Variants in ASCC3 observed in about 807,000 individuals in gnomAD.
ASCC3 encodes ASC-1 complex subunit P200.
Under a neutral mutation model 256.3 loss-of-function variants are expected in ASCC3, and 158 were observed. The observed-to-expected ratio is 0.62, with a 90% CI of 0.54 to 0.70. The LOEUF is 0.70. Among genes scored for constraint, ASCC3 ranks in the 30% least tolerant of loss-of-function variants. The pLI is 0.00. For missense variants in ASCC3, 2,259 were observed against 2,626.0 expected, an observed-to-expected ratio of 0.86 and a Z score of 3.05; for synonymous variants, 948 against 883.4, an observed-to-expected ratio of 1.07 and a Z score of -1.30.
At chr6:100,528,511 T>G (rs1562095593) in intron 37 of ASCC3, among the ~76,000 whole-genome samples, 1 of 152,190 alleles carries the variant, frequency 6.6e-6, no homozygotes, top group East Asian at 1.9e-4. Context: ...AATTGGAGTC[T>G]ACATAGTATC....
At chr6:100,759,457 G>A (rs1027884274) in intron 10 of ASCC3, among the ~76,000 whole-genome samples, 1 of 152,076 alleles carries the variant, frequency 6.6e-6, no homozygotes, top group African/African-American at 2.4e-5. Flanking sequence ...TTCTGCATAT[G>A]GCTAGCCAGT....
intron 2 of ASCC3, 73 bp from the exon 3 acceptor site, chr6:100,864,287 T>C: frequency 5.2e-6 from 7 of 1,337,660 alleles, no homozygotes; most frequent in Non-Finnish European, 7.3e-6. Flanking sequence ...TTACATATAT[T>C]TTGCATTACA....
intron 10 of ASCC3, among the ~76,000 whole-genome samples, chr6:100,758,434 T>G (rs527343512): frequency 1.3e-5 from 2 of 152,164 alleles, no homozygotes; most frequent in Admixed American, 1.3e-4. Context: ...GTGTTCTCCC[T>G]GTGTCCATGT....
intron 10 of ASCC3, among the ~76,000 whole-genome samples, chr6:100,743,364 T>A (rs1013509401): frequency 2.6e-5 from 4 of 152,220 alleles, no homozygotes; most frequent in Non-Finnish European, 5.9e-5. Context: ...AGACTGCAGC[T>A]GCTTCTAATT....
At position 100,867,943 on chromosome 6, in the gene ASCC3, G is replaced by A; in HGVS notation, c.55C>T (p.Gln19Ter). 6.2e-7 allele frequency: 1 copy of A among 1,613,594 alleles called. No homozygotes were observed. The change falls in exon 2 of 42, where the codon CAA (glutamine) becomes TAA (stop). Residue 19 changes from glutamine to a stop codon, truncating the protein, a stop_gained. Coordinates refer to ENST00000369162, the MANE Select transcript of ASCC3 (RefSeq NM_006828.4). LOFTEE classifies it high-confidence loss of function. ...GCCACTTCTTCATTATAATTATCTT[G>A]CTTGGTGACATTTGAAAAGGAACGC... ...ALRSFSNVTK[Q>*]DNYNEEVADL...
At position 100,755,041 on chromosome 6, in the gene ASCC3, T is replaced by C. The variant is rs549182341; in HGVS notation, c.1737+11524A>G. 1.2e-4 allele frequency among the ~76,000 whole-genome samples: 19 copies of C among 152,196 alleles called. No homozygotes were observed. The South Asian group carries it at 3.3e-3, about 27-fold the overall frequency. On this transcript the variant is annotated intron_variant, in intron 10 of 41. Transcript: ENST00000369162. The stretch of plus-strand genomic sequence containing the variant: ...TAAATTACCCAGTCTCGGGTATTTC[T>C]TCATAGCAGTATGAAAATGGACTAA...
At position 100,652,852 on chromosome 6, in the gene ASCC3, A is replaced by G. The variant is rs773942601; in HGVS notation, c.2861T>C (p.Val954Ala). The change falls in exon 18 of 42, where the codon GTC becomes GCC. Residue 954 changes from valine (V) to alanine (A), a missense_variant. Physicochemically the swap from Val to Ala is moderately conservative, Grantham distance 64 (BLOSUM62 0). Around this residue, in one of 2 missense-constraint regions of ASCC3, gnomAD observed 1,839 missense variants for 2,206.7 expected, o/e 0.83. Transcript: ENST00000369162. ...GTCTAGTTTTCGTCCAACTTCAATG[A>G]CCAACTGTTCTCGATGCTTTCTTAA... The part of the protein sequence containing the change: ...PTLRKHREQL[V>A]IEVGRKLDKA... 6.2e-7 allele frequency: 1 copy of G among 1,613,950 alleles called. No homozygotes were observed. Among genetic ancestry groups the G allele is most frequent in the East Asian group, 2.2e-5 (1 of 44,816 alleles).
At chr6:100,536,831 G>A (rs796144650) in intron 37 of ASCC3, among the ~76,000 whole-genome samples, 10 of 152,218 alleles carry the variant, frequency 6.6e-5, no homozygotes, top group African/African-American at 2.4e-4. Context: ...CAAAATGGCC[G>A]ATTCCAAAGC....
rs754704017 is a variant in ASCC3, at chr6:100,606,880, A to G, written c.4924-20T>C. The G allele has an allele frequency of 2.3e-5, 37 of 1,607,658 alleles. No individual in the cohort carries two copies. The East Asian group carries it at 6.5e-4, about 28-fold the overall frequency. On this transcript the variant is annotated intron_variant, in intron 31 of 41. Transcript: ENST00000369162. ...AAGAACCTAAAAAGCAAAATAAAAT[A>G]TCTTATATCTAAGTAAAATATAACT...
At chr6:100,530,418 C>T in intron 37 of ASCC3, 1 of 950,592 alleles carries the variant, frequency 1.1e-6, no homozygotes, top group African/African-American at 1.6e-5. Context: ...TTTCCAAAAT[C>T]CTGAACTTTA....
chr6:100,672,795 CT>C (rs1776815248), intron 14 of ASCC3, among the ~76,000 whole-genome samples: 2 of 152,142 alleles, frequency 1.3e-5, no homozygotes, highest in African/African-American at 4.8e-5. Flanking sequence ...AGAATGGTTT[CT>C]GTTCCTTTTA....
intron 3 of ASCC3, among the ~76,000 whole-genome samples, chr6:100,860,943 G>C (rs1251513922): frequency 6.6e-6 from 1 of 152,100 alleles, no homozygotes; most frequent in Non-Finnish European, 1.5e-5. Context: ...TAAAAGGTAA[G>C]CTGGGAATAA....
Position 100,642,564 on chromosome 6 carries a change from A to C in ASCC3, c.3901+17T>G. 1 of 1,612,988 alleles carries C rather than the reference A, an allele frequency of 6.2e-7. No individual in the cohort carries two copies. The highest frequency in any genetic ancestry group is 8.5e-7 in the Non-Finnish European group (1 of 1,178,998). ...TTTGGAAAAATCAATGATTCAAATC[A>C]GCATTCACCATGTTACCTGTATGAG... On this transcript the variant is annotated intron_variant, in intron 24 of 41. Coordinates refer to ENST00000369162, the MANE Select transcript of ASCC3 (RefSeq NM_006828.4).
chr6:100,674,846 G>C (rs1394308526), intron 14 of ASCC3, among the ~76,000 whole-genome samples: 1 of 151,822 alleles, frequency 6.6e-6, no homozygotes, highest in Non-Finnish European at 1.5e-5. Flanking sequence ...TTGCCAGGCT[G>C]ATCTCAAACT....
chr6:100,859,437 A>G lies in ASCC3; in HGVS notation c.241+4627T>C, dbSNP rs3734352. On this transcript the variant is annotated intron_variant, in intron 3 of 41. Coordinates refer to ENST00000369162, the MANE Select transcript of ASCC3 (RefSeq NM_006828.4). Reference sequence around the variant, plus strand: ...TCTTTTGCAATCTGCAATTTTCAAAATAACTGTCACAAATACTGCTATATC... The same window carrying G: ...TCTTTTGCAATCTGCAATTTTCAAAGTAACTGTCACAAATACTGCTATATC... Among the ~76,000 whole-genome samples, 16 of 152,192 alleles carry G rather than the reference A, an allele frequency of 1.1e-4. No individual in the cohort carries two copies. In the East Asian group the frequency reaches 3.1e-3, roughly 29 times the overall value.
rs77182320 is a variant in ASCC3 at position 100,662,544 on chromosome 6, C to G, written c.2287-8G>C. 7 of 1,612,012 alleles carry G rather than the reference C, an allele frequency of 4.3e-6. No individual in the cohort carries two copies. The South Asian group carries it at 7.7e-5, about 18-fold the overall frequency. On this transcript the variant is annotated splice_region_variant and splice_polypyrimidine_tract_variant and intron_variant, in intron 14 of 41. Coordinates refer to ENST00000369162, the MANE Select transcript of ASCC3 (RefSeq NM_006828.4). ...ATTTCTCGACCTTTGTACCTAGATACCAAGAAAGCGTAAGAGTATTATTTA... is the reference window on the plus strand; with the variant it reads ...ATTTCTCGACCTTTGTACCTAGATAGCAAGAAAGCGTAAGAGTATTATTTA...
At chr6:100,642,797 A>G (rs955612341) in intron 23 of ASCC3, 48 bp from the exon 24 acceptor site, 1 of 1,494,010 alleles carries the variant, frequency 6.7e-7, no homozygotes, top group African/African-American at 1.4e-5. Context: ...CTAATAGCAT[A>G]AAGGCCTTAT....
At position 100,837,412 on chromosome 6, in the gene ASCC3, T is replaced by C. The variant is rs2114476004; in HGVS notation, c.801+10736A>G. Among the ~76,000 whole-genome samples the C allele has an allele frequency of 1.3e-5, 2 of 152,140 alleles. 1 individual carries two copies. The highest frequency in any genetic ancestry group is 4.1e-4 in the South Asian group (2 of 4,826). On this transcript the variant is annotated intron_variant, in intron 4 of 41. Transcript: ENST00000369162. ...ATATATCCACAGGAAAACAAATCAG[T>C]ATGATGAAGAGATACCTGCACTCCC...
chr6:100,687,040 A>T (rs202228296), intron 13 of ASCC3, among the ~76,000 whole-genome samples: 147 of 145,060 alleles, frequency 1.0e-3, no homozygotes, highest in African/African-American at 3.6e-3. Flanking sequence ...TCTCTCACAC[A>T]CACACACACA....
Sources: allele counts gnomAD v4.1 joint callset (sites outside exome capture counted in the v4.1 genomes callset), GRCh38; gene constraint gnomAD v4.1.1; regional missense constraint gnomAD v4.1.1; transcripts MANE v1.5; gene names NCBI Gene and HGNC (gene_info 2026-07-23, HGNC 2026-07-21).